The following LAPTM5 variants were observed in gnomAD, a reference collection of about 807,000 sequenced individuals.
LAPTM5 encodes the protein lysosomal protein transmembrane 5, also known as lysosomal-associated transmembrane protein 5.
Under a neutral mutation model 30.1 loss-of-function variants are expected in LAPTM5, and 11 were observed. That is an observed-to-expected ratio of 0.37 (90% CI 0.23 to 0.60). LAPTM5 has a LOEUF of 0.60. Among genes scored for constraint, LAPTM5 ranks in the 20% least tolerant of loss-of-function variants. LAPTM5 has a pLI of 0.71. For missense variants in LAPTM5, 324 were observed against 332.5 expected (o/e 0.97, Z 0.20); for synonymous variants, 151 against 137.9 (o/e 1.10, Z -0.67).
chr1:30,735,354 C>A (rs1639871420), intron 6 of LAPTM5, 89 bp from the exon 7 acceptor site: 1 of 1,039,274 alleles, frequency 9.6e-7, no homozygotes, highest in East Asian at 2.4e-5. Flanking sequence ...CAGGAGCCAC[C>A]ACTCTCTCCA....
At chr1:30,737,053 C>T (rs1389783418) in intron 6 of LAPTM5, among the ~76,000 whole-genome samples, 1 of 152,168 alleles carries the variant, frequency 6.6e-6, no homozygotes, top group African/African-American at 2.4e-5. Context: ...GGTTGTACTG[C>T]TGTGAACACA....
At chr1:30,747,144 A>G (rs1398710085) in intron 1 of LAPTM5, among the ~76,000 whole-genome samples, 1 of 152,206 alleles carries the variant, frequency 6.6e-6, no homozygotes, top group African/African-American at 2.4e-5. Context: ...GAATTTCACC[A>G]ACAGGAAACC....
intron 1 of LAPTM5, among the ~76,000 whole-genome samples, chr1:30,744,406 A>G (rs1640015156): frequency 6.6e-6 from 1 of 152,150 alleles, no homozygotes; most frequent in African/African-American, 2.4e-5. Context: ...CCAGCACAGA[A>G]CGGGGTGTCC....
At position 30,739,821 on chromosome 1, in the gene LAPTM5, G is replaced by C; in HGVS notation, c.375C>G (p.Ser125=). Reference sequence around the variant, plus strand: ...GCTGGGTACTCACAGCACGGCTCCGGGAGGCCAACTTGAGGTAGGCGGGCA... The same window carrying C: ...GCTGGGTACTCACAGCACGGCTCCGCGAGGCCAACTTGAGGTAGGCGGGCA... ...IELPAYLKLA[S]RSRASSSKFP... is the part of the protein sequence containing the mutation. The change falls in exon 4 of 8, where the codon TCC becomes TCG. Residue 125 remains serine, a synonymous_variant. Coordinates refer to ENST00000294507, the MANE Select transcript of LAPTM5 (RefSeq NM_006762.3). This position sits in a 1 kb window ranked among gnomAD's most constrained non-coding sequence, Gnocchi z 4.2. 6.2e-7 allele frequency: 1 copy of C among 1,603,898 alleles called. No individual in the cohort carries two copies. Among genetic ancestry groups the C allele is most frequent in the East Asian group, 2.3e-5 (1 of 44,166 alleles).
intron 2 of LAPTM5, chr1:30,742,044 A>G: frequency 2.8e-6 from 1 of 360,260 alleles, no homozygotes; most frequent in Non-Finnish European, 5.2e-6. Context: ...AGGGTTGGTG[A>G]GGTCAGTGTG....
chr1:30,756,337 TC>T (rs1251841277), intron 1 of LAPTM5, among the ~76,000 whole-genome samples: 2 of 152,170 alleles, frequency 1.3e-5, no homozygotes, highest in Non-Finnish European at 2.9e-5. Flanking sequence ...ACAACTTGAC[TC>T]CAAGGATGCT....
rs1640180057 is a variant in LAPTM5 at position 30,754,357 on chromosome 1, C to A, written c.87+3302G>T. 1.3e-5 allele frequency among the ~76,000 whole-genome samples: 2 copies of A among 151,950 alleles called. 1 individual carries two copies. The highest frequency in any genetic ancestry group is 4.2e-4 in the South Asian group (2 of 4,810). ...GACCAGCCTGGGCAACATAGTGGGA[C>A]CCTGTCTCTACAAAAAAAAATATTT... is the stretch of plus-strand genomic sequence containing the variant. On this transcript the variant is annotated intron_variant, in intron 1 of 7. Coordinates refer to ENST00000294507, the MANE Select transcript of LAPTM5 (RefSeq NM_006762.3).
intron 6 of LAPTM5, 93 bp downstream of exon 6, chr1:30,737,511 T>C: frequency 2.4e-6 from 2 of 828,820 alleles, no homozygotes; most frequent in Non-Finnish European, 2.0e-6. Flanking sequence ...GGAGGACACA[T>C]GTCCCTGCCT....
chr1:30,747,801 G>A (rs1434329239), intron 1 of LAPTM5, among the ~76,000 whole-genome samples: 1 of 152,184 alleles, frequency 6.6e-6, no homozygotes, highest in Non-Finnish European at 1.5e-5. Flanking sequence ...CAGTGCACCA[G>A]GTGTCACCTG....
chr1:30,742,215 TG>T lies in LAPTM5; in HGVS notation c.181+240del, dbSNP rs3833526. The T allele has an allele frequency of 6.8e-3, 3,794 of 561,676 alleles. 76 individuals carry two copies. The highest frequency in any genetic ancestry group is 0.041 in the East Asian group (1,340 of 33,028). The allele number at this position is 561,676 out of a possible 1,614,324, so 34.8% of individuals were successfully genotyped here. ...TGAGGCTATCACCTTTACCAGCTGG[TG>T]GGGATTTGCAAAGTGCCATTCCATC... On this transcript the variant is annotated intron_variant, in intron 2 of 7. Coordinates refer to ENST00000294507, the MANE Select transcript of LAPTM5 (RefSeq NM_006762.3).
At position 30,743,800 on chromosome 1, in the gene LAPTM5, T is replaced by TTG. The variant is rs1181750401; in HGVS notation, c.88-1252_88-1251insCA. On this transcript the variant is annotated intron_variant, in intron 1 of 7. Transcript: ENST00000294507. Reference sequence around the variant, plus strand: ...CCCCCTTGCTGACTGTGTGGGTTTTTTTTTTTTTTTTTTTTTTAGCTCAGA... The same window carrying TTG: ...CCCCCTTGCTGACTGTGTGGGTTTTTTGTTTTTTTTTTTTTTTTTAGCTCAGA... 4.4e-3 allele frequency among the ~76,000 whole-genome samples: 650 copies of TTG among 147,292 alleles called. 9 individuals are homozygous for TTG. Among genetic ancestry groups the TTG allele is most frequent in the African/African-American group, 0.016 (637 of 39,810 alleles).
intron 1 of LAPTM5, among the ~76,000 whole-genome samples, chr1:30,750,116 C>T (rs1640111042): frequency 2.0e-5 from 3 of 152,152 alleles, no homozygotes; most frequent in Non-Finnish European, 4.4e-5. Context: ...CCAGTGAATC[C>T]CAGCAGCAGA....
rs566948751 is a variant in LAPTM5, at chr1:30,741,004, C to T, written c.258+636G>A. On this transcript the variant is annotated intron_variant, in intron 3 of 7. Coordinates refer to ENST00000294507, the MANE Select transcript of LAPTM5 (RefSeq NM_006762.3). ...CCTGCCTTTCTGGGGACCCAGGGAC[C>T]GCGGGTTCCTCTTCTGCAGGGGATT... 7.2e-5 allele frequency among the ~76,000 whole-genome samples: 11 copies of T among 152,290 alleles called. No individual in the cohort carries two copies. The East Asian group carries it at 1.5e-3, about 21-fold the overall frequency.
chr1:30,740,151 G>A (rs1224465125), intron 3 of LAPTM5, among the ~76,000 whole-genome samples: 8 of 152,166 alleles, frequency 5.3e-5, no homozygotes, highest in Non-Finnish European at 5.9e-5. Context: ...CCCAGGAGAC[G>A]TAAGGGAACC....
intron 6 of LAPTM5, among the ~76,000 whole-genome samples, chr1:30,736,105 A>G (rs866041114): frequency 2.8e-4 from 42 of 152,120 alleles, no homozygotes; most frequent in African/African-American, 9.4e-4. Context: ...GGGGTCCTGC[A>G]GTAGAGAGTG....
intron 7 of LAPTM5, among the ~76,000 whole-genome samples, chr1:30,734,939 C>T (rs1296336785): frequency 1.3e-5 from 2 of 152,126 alleles, no homozygotes; most frequent in Admixed American, 6.5e-5. Flanking sequence ...GTTTTCTCTG[C>T]GCCTCCTGGA....
At chr1:30,747,396 G>A (rs1023093437) in intron 1 of LAPTM5, among the ~76,000 whole-genome samples, 4 of 152,068 alleles carry the variant, frequency 2.6e-5, no homozygotes, top group African/African-American at 4.8e-5. Flanking sequence ...CAAAACTGTC[G>A]CAGGGTCAAA....
chr1:30,748,762 G>T (rs543329213), intron 1 of LAPTM5, among the ~76,000 whole-genome samples: 3 of 152,148 alleles, frequency 2.0e-5, no homozygotes, highest in Non-Finnish European at 2.9e-5. Flanking sequence ...TCACTCTTCC[G>T]CAGTTCTCGT....
chr1:30,739,144 A>C lies in LAPTM5; in HGVS notation c.388-82T>G. 1 of 1,500,246 alleles carries C rather than the reference A, an allele frequency of 6.7e-7. No homozygotes were observed. The allele number at this position is 1,500,246 out of a possible 1,614,324, so 92.9% of individuals were successfully genotyped here. ...ACTGAGCGGCACATAGTAGGCCCTC[A>C]CTTGAGAGACCGTCTCAGCTACAGA... is the stretch of plus-strand genomic sequence containing the variant. On this transcript the variant is annotated intron_variant, in intron 4 of 7. Transcript: ENST00000294507. The surrounding 1 kb of genome is among the most constrained non-coding windows in gnomAD (Gnocchi z 4.2).
Sources: gnomAD v4.1 joint callset for allele counts (sites outside exome capture counted in the v4.1 genomes callset) on GRCh38, gnomAD v4.1.1 for gene constraint, Gnocchi (gnomAD v3.1) non-coding constraint, MANE v1.5 for transcripts, NCBI Gene and HGNC (gene_info 2026-07-23, HGNC 2026-07-21) for gene names.